PSD3: variants seen among roughly 807,000 people sequenced by gnomAD.
PSD3 encodes the protein PH and SEC7 domain-containing protein 3.
In PSD3, 49 loss-of-function variants were observed where a neutral mutation model predicts 105.5. The observed-to-expected ratio is 0.46, with a 90% CI of 0.37 to 0.59. The LOEUF is 0.59. PSD3 is among the 20% of genes least tolerant of loss of function. PSD3 has a pLI of 0.00. For missense variants in PSD3, 1,561 were observed against 1,263.8 expected (o/e 1.24, Z -3.57); for synonymous variants, 557 against 457.8 (o/e 1.22, Z -2.77).
At chr8:18,783,120 T>C (rs961421155) in intron 8 of PSD3, among the ~76,000 whole-genome samples, 4 of 152,226 alleles carry the variant, frequency 2.6e-5, no homozygotes, top group Non-Finnish European at 5.9e-5. Context: ...AGCCATTTGA[T>C]CTTAGGCTTT....
At chr8:18,842,582 A>C (rs146297140) in intron 4 of PSD3, among the ~76,000 whole-genome samples, 1,690 of 152,022 alleles carry the variant, frequency 0.011, 30 homozygotes, top group African/African-American at 0.038. Context: ...AAATACAAAA[A>C]ATTAGCCGGG....
At chr8:18,720,975 T>C (rs965284031) in intron 9 of PSD3, 14 of 152,218 alleles carry the variant, frequency 9.2e-5, no homozygotes, top group African/African-American at 2.6e-4. Context: ...AAAAAATTCA[T>C]ACTGAGGAGA....
chr8:18,659,637 C>G (rs148452977), intron 9 of PSD3, among the ~76,000 whole-genome samples: 27 of 152,330 alleles, frequency 1.8e-4, no homozygotes, highest in African/African-American at 5.3e-4. Flanking sequence ...TTGTGCCTCT[C>G]TTAGAATATA....
intron 1 of PSD3, among the ~76,000 whole-genome samples, chr8:19,076,068 G>A (rs1829454915): frequency 1.3e-5 from 2 of 151,250 alleles, no homozygotes; most frequent in South Asian, 4.2e-4. Context: ...TCACGAAACA[G>A]TATAAAAAGA....
At chr8:18,820,096 A>C (rs1812567602) in intron 4 of PSD3, among the ~76,000 whole-genome samples, 1 of 152,034 alleles carries the variant, frequency 6.6e-6, no homozygotes, top group South Asian at 2.1e-4. Flanking sequence ...TGTATGTAAA[A>C]ATCTGTAAGT....
At chr8:19,032,565 G>T (rs1297617651) in intron 1 of PSD3, among the ~76,000 whole-genome samples, 4 of 150,490 alleles carry the variant, frequency 2.7e-5, no homozygotes. Context: ...TGGGAGTATT[G>T]CTTGAGCTCG....
intron 4 of PSD3, chr8:18,808,754 C>T (rs1216449193): frequency 6.8e-6 from 11 of 1,614,040 alleles, no homozygotes; most frequent in Non-Finnish European, 9.3e-6. Flanking sequence ...TATAAACTTA[C>T]CAGCAACCAT....
chr8:18,607,761 C>A (rs924192436), intron 11 of PSD3, among the ~76,000 whole-genome samples: 22 of 150,546 alleles, frequency 1.5e-4, no homozygotes, highest in Admixed American at 1.5e-3. Context: ...AAAGATGTAC[C>A]TATGACTGGG....
intron 9 of PSD3, among the ~76,000 whole-genome samples, chr8:18,707,744 G>A (rs1801988378): frequency 6.6e-6 from 1 of 152,160 alleles, no homozygotes; most frequent in Non-Finnish European, 1.5e-5. Flanking sequence ...AACATAGTAA[G>A]CTAGGAAGAA....
chr8:18,898,160 T>A, intron 2 of PSD3, among the ~76,000 whole-genome samples: 1 of 152,100 alleles, frequency 6.6e-6, no homozygotes, highest in East Asian at 1.9e-4. Context: ...TGTTGCTTTG[T>A]TTGTTTTCTG....
intron 8 of PSD3, among the ~76,000 whole-genome samples, chr8:18,782,374 C>A (rs1043891168): frequency 6.6e-6 from 1 of 151,852 alleles, no homozygotes; most frequent in African/African-American, 2.4e-5. Context: ...TTGGGTAAGG[C>A]GTTTTGGCTT....
chr8:18,815,179 C>G (rs1347732039), intron 4 of PSD3, among the ~76,000 whole-genome samples: 1 of 152,262 alleles, frequency 6.6e-6, no homozygotes, highest in South Asian at 2.1e-4. Flanking sequence ...GCTCCCACCC[C>G]CTTTTCTCTT....
chr8:18,633,386 T>G (rs1807034958), intron 10 of PSD3, among the ~76,000 whole-genome samples: 1 of 152,032 alleles, frequency 6.6e-6, no homozygotes, highest in Admixed American at 6.6e-5. Flanking sequence ...GCACAGTGCT[T>G]TGGCATGTGA....
intron 15 of PSD3, among the ~76,000 whole-genome samples, chr8:18,544,755 C>T (rs549140495): frequency 8.4e-4 from 128 of 152,296 alleles, no homozygotes; most frequent in African/African-American, 3.0e-3. Flanking sequence ...CTGAGAACTT[C>T]ATTTGTCTGC....
intron 11 of PSD3, among the ~76,000 whole-genome samples, chr8:18,618,786 T>A (rs898117477): frequency 1.4e-4 from 21 of 152,066 alleles, no homozygotes; most frequent in African/African-American, 5.1e-4. Context: ...GCTCAAGCAA[T>A]CCTCCCACCT....
rs917428926 is a variant in PSD3, at chr8:19,022,035, A to G, written c.324+62171T>C. The stretch of plus-strand genomic sequence containing the variant: ...GCTTCTGGCGAGACTCAGGAAGCTT[A>G]TAACTATTGCAGAAGGTGAAGCAGG... On this transcript the variant is annotated intron_variant, in intron 1 of 1. Transcript: ENST00000521475. Among the ~76,000 whole-genome samples the G allele has an allele frequency of 2.0e-5, 3 of 152,244 alleles. 1 individual carries two copies. Among genetic ancestry groups the G allele is most frequent in the South Asian group, 4.1e-4 (2 of 4,830 alleles).
chr8:18,619,223 G>T (rs959276440), intron 11 of PSD3, among the ~76,000 whole-genome samples: 2 of 152,096 alleles, frequency 1.3e-5, no homozygotes, highest in African/African-American at 4.8e-5. Context: ...TGGAAGTTCA[G>T]ATGCACCTCC....
At chr8:18,573,195 C>T (rs1198446147) in intron 13 of PSD3, among the ~76,000 whole-genome samples, 9 of 152,272 alleles carry the variant, frequency 5.9e-5, no homozygotes, top group Non-Finnish European at 1.2e-4. Context: ...ATATGCCAGA[C>T]GTGGTGGCTC....
At chr8:18,589,597 A>G (rs2717724) in intron 12 of PSD3, among the ~76,000 whole-genome samples, 128,193 of 152,140 alleles carry the variant, frequency 0.84, 54,721 homozygotes, top group South Asian at 0.96. Flanking sequence ...AATTATAAAA[A>G]TGTTGTTTAC....
Sources: allele counts gnomAD v4.1 joint callset (sites outside exome capture counted in the v4.1 genomes callset), GRCh38; gene constraint gnomAD v4.1.1; transcripts MANE v1.5; gene names NCBI Gene and HGNC (gene_info 2026-07-23, HGNC 2026-07-21).